Variants in AGO2 observed in about 807,000 individuals in gnomAD.
The protein encoded by AGO2 is argonaute RISC catalytic component 2.
Under a neutral mutation model 102.3 loss-of-function variants are expected in AGO2, and 5 were observed. That is an observed-to-expected ratio of 0.05 (90% CI 0.03 to 0.10). The LOEUF (loss-of-function observed/expected upper bound fraction) is 0.10, where lower values mean the gene tolerates loss of function less well. AGO2 is among the 10% of genes least tolerant of loss of function. AGO2 has a pLI of 1.00. For synonymous variants in AGO2, 449 were observed against 473.1 expected (o/e 0.95, Z 0.66); for missense variants, 541 against 1,183.7 (o/e 0.46, Z 7.97).
rs144136015 is a variant in AGO2, at chr8:140,583,686, C to A, written c.215+1433G>T. Among the ~76,000 whole-genome samples the A allele has an allele frequency of 1.7e-3, 265 of 152,220 alleles. 1 individual carries two copies. Among genetic ancestry groups the A allele is most frequent in the Non-Finnish European group, 3.0e-3 (204 of 68,002 alleles). On this transcript the variant is annotated intron_variant, in intron 2 of 18. Transcript: ENST00000220592. ...GTCAGGAGTTCAAGAGTAGCCTGGC[C>A]AATATGGTGAAATCCTGTCTCTACT...
chr8:140,614,597 C>G (rs995070264), intron 1 of AGO2, among the ~76,000 whole-genome samples: 1 of 152,204 alleles, frequency 6.6e-6, no homozygotes, highest in Non-Finnish European at 1.5e-5. Context: ...GACAATGCAG[C>G]CCACACTCTA....
intron 4 of AGO2, among the ~76,000 whole-genome samples, chr8:140,561,599 G>A (rs140659133): frequency 6.6e-6 from 1 of 152,286 alleles, no homozygotes; most frequent in Non-Finnish European, 1.5e-5. Context: ...TTCCTGCCGG[G>A]AGTGACAGCC....
At chr8:140,634,284 C>A (rs939541649) in intron 1 of AGO2, among the ~76,000 whole-genome samples, 4 of 152,286 alleles carry the variant, frequency 2.6e-5, no homozygotes, top group African/African-American at 7.2e-5. Flanking sequence ...CCACCATCAA[C>A]GGACCAAGGT....
chr8:140,603,225 T>C (rs7841188), intron 1 of AGO2, among the ~76,000 whole-genome samples: 120,801 of 152,016 alleles, frequency 0.79, 48,258 homozygotes, highest in Admixed American at 0.83. Context: ...GACGATGGAA[T>C]CCCAGATCTC....
At chr8:140,592,768 T>G (rs1190870450) in intron 1 of AGO2, 1 of 152,432 alleles carries the variant, frequency 6.6e-6, no homozygotes, top group African/African-American at 2.4e-5. Context: ...AGTGCTGAGA[T>G]TCCAGGCATG....
At chr8:140,581,329 A>C (rs1307920715) in intron 2 of AGO2, among the ~76,000 whole-genome samples, 1 of 152,266 alleles carries the variant, frequency 6.6e-6, no homozygotes, top group East Asian at 1.9e-4. Flanking sequence ...AGCCTGAGCA[A>C]CATGGTGAAA....
Position 140,562,507 on chromosome 8 carries a change from G to T in AGO2, c.464C>A (p.Pro155His). The T allele has an allele frequency of 6.2e-7, 1 of 1,613,944 alleles. No individual in the cohort carries two copies. Among genetic ancestry groups the T allele is most frequent in the Non-Finnish European group, 8.5e-7 (1 of 1,180,018 alleles). ...DALSGRLPSVPFETIQALDVV... is the reference protein window; with the variant it reads ...DALSGRLPSVHFETIQALDVV... Reference sequence around the variant, plus strand: ...GTCCAGGGCCTGGATCGTCTCAAAAGGGACGCTGGGCAGCCGCCCTGAAAG... The same window carrying T: ...GTCCAGGGCCTGGATCGTCTCAAAATGGACGCTGGGCAGCCGCCCTGAAAG... The change falls in exon 4 of 19, where the codon CCT becomes CAT. Residue 155 changes from proline (P) to histidine (H), a missense_variant. This residue lies in a region of AGO2 where 147 missense variants were observed against 204.1 expected (regional missense o/e 0.72). Coordinates refer to ENST00000220592, the MANE Select transcript of AGO2 (RefSeq NM_012154.5).
chr8:140,627,633 C>T (rs2074293544), intron 1 of AGO2, among the ~76,000 whole-genome samples: 1 of 152,200 alleles, frequency 6.6e-6, no homozygotes, highest in African/African-American at 2.4e-5. Context: ...CTAAGCCTTG[C>T]TGCAGTTGTG....
At chr8:140,595,320 A>G (rs2073809641) in intron 1 of AGO2, among the ~76,000 whole-genome samples, 1 of 152,176 alleles carries the variant, frequency 6.6e-6, no homozygotes, top group South Asian at 2.1e-4. Flanking sequence ...TATATTATGC[A>G]CACATACACA....
At chr8:140,601,943 G>A (rs2073939938) in intron 1 of AGO2, among the ~76,000 whole-genome samples, 2 of 152,158 alleles carry the variant, frequency 1.3e-5, no homozygotes, top group African/African-American at 2.4e-5. Context: ...CCTTTGGGTT[G>A]AAGATGCCCT....
rs530887576 is a variant in AGO2, at chr8:140,562,560, G to A, written c.411C>T (p.Cys137=). Residue 137 remains cysteine (C), a synonymous_variant, in exon 4 of 19, where the codon TGC becomes TGT. Transcript: ENST00000220592. ...IFKVSIKWVS[C]VSLQALHDAL... Reference sequence around the variant, plus strand: ...CATCGTGTAACGCCTGCAAGCTCACGCAGGACACCCACTTGATGGACACCT... The same window carrying A: ...CATCGTGTAACGCCTGCAAGCTCACACAGGACACCCACTTGATGGACACCT... 1.9e-5 allele frequency: 31 copies of A among 1,614,098 alleles called. No individual in the cohort carries two copies. Among genetic ancestry groups the A allele is most frequent in the African/African-American group, 9.3e-5 (7 of 75,046 alleles).
At chr8:140,534,331 C>T (rs921347371) in intron 17 of AGO2, among the ~76,000 whole-genome samples, 2 of 152,186 alleles carry the variant, frequency 1.3e-5, no homozygotes, top group African/African-American at 4.8e-5. Flanking sequence ...GGAAACATGC[C>T]CAGGAGGCCC....
At chr8:140,617,169 C>T (rs752130858) in intron 1 of AGO2, among the ~76,000 whole-genome samples, 14 of 152,164 alleles carry the variant, frequency 9.2e-5, no homozygotes, top group Non-Finnish European at 2.1e-4. Context: ...ACAACAACAA[C>T]ACAACTAGCA....
At chr8:140,579,611 C>T (rs571040820) in intron 2 of AGO2, among the ~76,000 whole-genome samples, 22 of 151,970 alleles carry the variant, frequency 1.4e-4, no homozygotes, top group East Asian at 3.9e-4. Context: ...CATGCCCCAG[C>T]GCACTCCTCT....
chr8:140,534,564 G>C (rs2072661908), intron 17 of AGO2, among the ~76,000 whole-genome samples: 1 of 152,236 alleles, frequency 6.6e-6, no homozygotes, highest in South Asian at 2.1e-4. Context: ...CTGCAGGCTG[G>C]ACCCGGCCCA....
chr8:140,584,282 G>A (rs780223562), intron 2 of AGO2, among the ~76,000 whole-genome samples: 1 of 152,096 alleles, frequency 6.6e-6, no homozygotes, highest in Non-Finnish European at 1.5e-5. Context: ...TAACCACAAT[G>A]AGAAACCACT....
intron 1 of AGO2, among the ~76,000 whole-genome samples, chr8:140,593,889 G>A (rs937264819): frequency 4.6e-5 from 7 of 152,138 alleles, no homozygotes; most frequent in Admixed American, 4.6e-4. Flanking sequence ...GCCTTGAATC[G>A]ATAACAACTA....
At chr8:140,561,855 C>G (rs1286750383) in intron 4 of AGO2, among the ~76,000 whole-genome samples, 1 of 152,220 alleles carries the variant, frequency 6.6e-6, no homozygotes, top group Non-Finnish European at 1.5e-5. Context: ...AGTGTGAGGG[C>G]AGGTGTGCTG....
chr8:140,631,739 T>C (rs978087119), intron 1 of AGO2, among the ~76,000 whole-genome samples: 1 of 152,120 alleles, frequency 6.6e-6, no homozygotes, highest in Non-Finnish European at 1.5e-5. Flanking sequence ...CTGTTAACTG[T>C]CATAACGGCA....
Sources: gnomAD v4.1 joint callset for allele counts (sites outside exome capture counted in the v4.1 genomes callset) on GRCh38, gnomAD v4.1.1 for gene constraint, gnomAD v4.1.1 regional missense constraint, MANE v1.5 for transcripts, NCBI Gene and HGNC (gene_info 2026-07-23, HGNC 2026-07-21) for gene names.